CFAP47: variants seen among roughly 807,000 people sequenced by gnomAD.
The protein encoded by CFAP47 is cilia and flagella associated protein 47, also known as cilia- and flagella-associated protein 47.
In CFAP47, 29 loss-of-function variants were observed where a neutral mutation model predicts 148.1. The observed-to-expected ratio is 0.20, with a 90% CI of 0.15 to 0.27. The LOEUF (loss-of-function observed/expected upper bound fraction) is 0.27. Among genes scored for constraint, CFAP47 ranks in the 10% least tolerant of loss-of-function variants. The pLI is 1.00. For missense variants in CFAP47, 1,872 were observed against 1,697.5 expected (o/e 1.10, Z -1.81); for synonymous variants, 664 against 577.3 (o/e 1.15, Z -2.15).
chrX:35,970,881 A>G lies in CFAP47; in HGVS notation c.1928A>G (p.Lys643Arg). 1.7e-6 allele frequency: 2 copies of G among 1,192,777 alleles called. No individual in the cohort carries two copies. The highest frequency in any genetic ancestry group is 2.3e-6 in the Non-Finnish European group (2 of 886,874). ...LHENYYAMYL[K>R]YLRSVRLQKK... ...GAAAACTATTATGCAATGTATCTTA[A>G]ATATTTAAGAAGTGTGCGCTTGCAG... Residue 643 changes from lysine to arginine, a missense_variant, in exon 11 of 64, where the codon AAA becomes AGA. Physicochemically the swap from Lys to Arg is conservative, Grantham distance 26 (BLOSUM62 2). Transcript: ENST00000378653.
chrX:36,207,566 C>T (rs1354854493), intron 45 of CFAP47, among the ~76,000 whole-genome samples: 3 of 111,723 alleles, frequency 2.7e-5, no homozygotes, highest in Non-Finnish European at 5.6e-5. Context: ...TACTGTGATA[C>T]CAAAGGAGCA....
chrX:36,326,401 G>A (rs1556013033), intron 57 of CFAP47, among the ~76,000 whole-genome samples: 2 of 111,413 alleles, frequency 1.8e-5, no homozygotes. Flanking sequence ...CTTTGAAACT[G>A]GGTAATAGGT....
At chrX:36,195,566 A>G (rs1025064095) in intron 42 of CFAP47, among the ~76,000 whole-genome samples, 11 of 111,856 alleles carry the variant, frequency 9.8e-5, no homozygotes, top group Non-Finnish European at 1.7e-4. Context: ...GCCAAAACAG[A>G]TAGTAGATTA....
At chrX:36,207,931 T>C (rs1169189908) in intron 45 of CFAP47, among the ~76,000 whole-genome samples, 1 of 111,905 alleles carries the variant, frequency 8.9e-6, no homozygotes, top group Non-Finnish European at 1.9e-5. Context: ...AACAAAATGC[T>C]CCGGGCTGGT....
intron 61 of CFAP47, among the ~76,000 whole-genome samples, chrX:36,361,753 A>G (rs1276493616): frequency 8.9e-6 from 1 of 111,913 alleles, no homozygotes; most frequent in Non-Finnish European, 1.9e-5. Flanking sequence ...TATCACATTA[A>G]TGAAAGAGAA....
At chrX:36,162,272 G>T (rs1053591808) in intron 39 of CFAP47, among the ~76,000 whole-genome samples, 3 of 111,396 alleles carry the variant, frequency 2.7e-5, no homozygotes, top group African/African-American at 9.8e-5. Context: ...CTTTGAATAT[G>T]TCCCTCAAAC....
chrX:36,383,722 A>C (rs1472190223), intron 63 of CFAP47, among the ~76,000 whole-genome samples: 1 of 111,051 alleles, frequency 9.0e-6, no homozygotes, highest in Non-Finnish European at 1.9e-5. Flanking sequence ...GTTGTGCAAG[A>C]CATTCTTGCA....
chrX:36,252,760 GT>G (rs1448768333), intron 49 of CFAP47, among the ~76,000 whole-genome samples: 1 of 111,761 alleles, frequency 8.9e-6, no homozygotes, highest in Non-Finnish European at 1.9e-5. Flanking sequence ...TAATTTTAGA[GT>G]TTTAACTCGT....
chrX:36,116,134 G>A (rs1235817143), intron 33 of CFAP47, among the ~76,000 whole-genome samples: 1 of 111,550 alleles, frequency 9.0e-6, no homozygotes, highest in African/African-American at 3.3e-5. Context: ...CATACCAGTG[G>A]GGATTGGGCT....
At chrX:36,177,744 T>TTAA (rs1368210883) in intron 39 of CFAP47, among the ~76,000 whole-genome samples, 54 of 112,519 alleles carry the variant, frequency 4.8e-4, no homozygotes, top group African/African-American at 1.7e-3. Flanking sequence ...ATGTTGGCAT[T>TTAA]AGTTCAGCCA....
intron 26 of CFAP47, among the ~76,000 whole-genome samples, chrX:36,055,225 C>A (rs774387327): frequency 1.4e-4 from 15 of 110,007 alleles, no homozygotes; most frequent in Non-Finnish European, 1.7e-4. Flanking sequence ...GTTACATAGA[C>A]AAATGTGTGC....
intron 62 of CFAP47, among the ~76,000 whole-genome samples, chrX:36,371,530 T>C (rs868947379): frequency 1.0e-5 from 1 of 99,752 alleles, no homozygotes; most frequent in Admixed American, 1.1e-4. Context: ...TGTGTGTATA[T>C]ATATGTGTAT....
chrX:36,114,254 C>T (rs1189298616), intron 33 of CFAP47, among the ~76,000 whole-genome samples: 1 of 111,810 alleles, frequency 8.9e-6, no homozygotes, highest in African/African-American at 3.3e-5. Flanking sequence ...TCCTGTATTA[C>T]TTTATTATGA....
rs145541469 is a variant in CFAP47 at position 35,980,672 on chromosome X, A to G, written c.2713+4759A>G. Among the ~76,000 whole-genome samples, 580 of 110,353 alleles carry G rather than the reference A, an allele frequency of 5.3e-3. 3 individuals carry two copies. The highest frequency in any genetic ancestry group is 8.9e-3 in the Non-Finnish European group (469 of 52,773). ...GTCATCAACAATTATTTGTTTTTAT[A>G]TGTCTCTTATTTTGGCAGGCATTGC... On this transcript the variant is annotated intron_variant, in intron 15 of 63. Coordinates refer to ENST00000378653, the MANE Select transcript of CFAP47 (RefSeq NM_001304548.2).
At chrX:36,205,570 G>A (rs1940030593) in intron 45 of CFAP47, among the ~76,000 whole-genome samples, 2 of 111,045 alleles carry the variant, frequency 1.8e-5, no homozygotes, top group East Asian at 5.7e-4. Flanking sequence ...CTTTGATCTG[G>A]AGCAGGATTT....
Position 36,054,859 on chromosome X carries a change from G to A in CFAP47, c.4217+7796G>A, listed in dbSNP as rs183382619. Among the ~76,000 whole-genome samples the A allele has an allele frequency of 3.6e-4, 40 of 109,875 alleles. No homozygotes were observed. In the East Asian group the frequency reaches 0.01, roughly 29 times the overall value. On this transcript the variant is annotated intron_variant, in intron 26 of 63. Transcript: ENST00000378653. The stretch of plus-strand genomic sequence containing the variant: ...GTGATCTTGGCTCACTGCAAGTTCC[G>A]CCTCCCGGGTTCACGCCATTCTCCT...
Position 35,951,285 on chromosome X carries a change from C to T in CFAP47, c.811C>T (p.Arg271Cys), listed in dbSNP as rs145872655. The T allele has an allele frequency of 1.7e-5, 21 of 1,208,061 alleles. No individual in the cohort carries two copies. The highest frequency in any genetic ancestry group is 1.5e-4 in the Admixed American group (7 of 45,547). ...CGGATCATCAAAAATTAAACATGCA[C>T]GTGTATACAATAATAGCCCAGAGCC... ...FFGSSKIKHA[R>C]VYNNSPEPIN... Residue 271 changes from arginine to cysteine, a missense_variant, in exon 5 of 64, where the codon CGT (arginine) becomes TGT (cysteine). Transcript: ENST00000378653.
At chrX:36,303,406 A>G (rs1556008171) in intron 53 of CFAP47, among the ~76,000 whole-genome samples, 1 of 110,430 alleles carries the variant, frequency 9.1e-6, no homozygotes, top group Non-Finnish European at 1.9e-5. Context: ...GCTTGTCTTA[A>G]ACTCCTGGCC....
intron 7 of CFAP47, among the ~76,000 whole-genome samples, chrX:35,953,924 G>T (rs1184473006): frequency 9.0e-6 from 1 of 111,050 alleles, no homozygotes; most frequent in Non-Finnish European, 1.9e-5. Context: ...AATTTTCCAG[G>T]TTGGAAGTTA....
Sources: allele counts gnomAD v4.1 joint callset (sites outside exome capture counted in the v4.1 genomes callset), GRCh38; gene constraint gnomAD v4.1.1; transcripts MANE v1.5; gene names NCBI Gene and HGNC (gene_info 2026-07-23, HGNC 2026-07-21).